The following INO80D variants were observed in gnomAD, a reference collection of about 807,000 sequenced individuals.
The protein encoded by INO80D is INO80 complex subunit D.
Under a neutral mutation model 87.6 loss-of-function variants are expected in INO80D, and 21 were observed. The ratio of observed to expected loss-of-function variants is 0.24; its 90% confidence interval spans 0.17 to 0.35. The LOEUF is 0.35. INO80D is among the 10% of genes least tolerant of loss of function. The probability of loss-of-function intolerance (pLI) is 1.00; values close to 1 mark genes in which losing one functional copy is unlikely to be tolerated. For missense variants in INO80D, 982 were observed against 1,280.7 expected (o/e 0.77, Z 3.56); for synonymous variants, 440 against 491.0 (o/e 0.90, Z 1.37).
intron 6 of INO80D, among the ~76,000 whole-genome samples, chr2:206,026,032 G>C (rs1022197603): frequency 1.3e-5 from 2 of 151,836 alleles, no homozygotes; most frequent in Non-Finnish European, 2.9e-5. Context: ...CTAGTAGCTA[G>C]GACTACAGGT....
chr2:206,007,454 A>T lies in INO80D; in HGVS notation c.1761-13T>A, dbSNP rs1474283558. ...CGTGGATGGGCTCCTGGGAAAGAGG[A>T]CACTGTTGGTCCCATAACTCCCCCA... On this transcript the variant is annotated splice_polypyrimidine_tract_variant and intron_variant, in intron 9 of 10. Transcript: ENST00000403263. 6.2e-7 allele frequency: 1 copy of T among 1,603,810 alleles called. No individual in the cohort carries two copies. Among genetic ancestry groups the T allele is most frequent in the East Asian group, 2.2e-5 (1 of 44,670 alleles).
chr2:206,027,158 A>ACGCG (rs978937098), intron 6 of INO80D, among the ~76,000 whole-genome samples: 1 of 47,090 alleles, frequency 2.1e-5, no homozygotes, highest in East Asian at 1.1e-3. Flanking sequence ...GCGCACGCGC[A>ACGCG]CACACACACA....
chr2:206,075,039 C>CAAAAAAAAAAAAAAAAAAAAAAAAAAAAA lies in INO80D; in HGVS notation c.-124+10861_-124+10862insTTTTTTTTTTTTTTTTTTTTTTTTTTTTT, dbSNP rs56081344. Among the ~76,000 whole-genome samples the CAAAAAAAAAAAAAAAAAAAAAAAAAAAAA allele has an allele frequency of 4.5e-4, 53 of 117,666 alleles. 1 individual carries two copies. The highest frequency in any genetic ancestry group is 6.7e-4 in the Non-Finnish European group (39 of 58,174). 77.2% of individuals were successfully genotyped at this position (117,666 alleles called of 152,430 possible). ...GGATGACAAGAGCGAAACTCCATCT[C>CAAAAAAAAAAAAAAAAAAAAAAAAAAAAA]AAAAAAAAAAAAAAAATTCCTCTTT... On this transcript the variant is annotated intron_variant, in intron 1 of 10. Coordinates refer to ENST00000403263, the MANE Select transcript of INO80D (RefSeq NM_017759.5).
At chr2:206,025,751 A>G (rs1394367305) in intron 6 of INO80D, 1 of 151,658 alleles carries the variant, frequency 6.6e-6, no homozygotes, top group Non-Finnish European at 1.5e-5. Flanking sequence ...CTCAATAAAG[A>G]AGCTGGCCTT....
Position 206,004,525 on chromosome 2 carries a change from C to A in INO80D, c.2927G>T (p.Ser976Ile), listed in dbSNP as rs777388385. 1.2e-6 allele frequency: 2 copies of A among 1,610,940 alleles called. No homozygotes were observed. Among genetic ancestry groups the A allele is most frequent in the East Asian group, 4.5e-5 (2 of 44,762 alleles). Reference protein sequence around the residue: ...TSPKQQLPQFSAAFGHQLSSH... With the variant: ...TSPKQQLPQFIAAFGHQLSSH... ...ACTCAGCTGGTGGCCAAAGGCTGCGCTGAACTGAGGGAGTTGCTGCTTGGG... is the reference window on the plus strand; with the variant it reads ...ACTCAGCTGGTGGCCAAAGGCTGCGATGAACTGAGGGAGTTGCTGCTTGGG... The change falls in exon 11 of 11, where the codon AGC becomes ATC. Residue 976 changes from serine to isoleucine, a missense_variant. Physicochemically the swap from Ser to Ile is moderately radical, Grantham distance 142. Coordinates refer to ENST00000403263, the MANE Select transcript of INO80D (RefSeq NM_017759.5). The surrounding 1 kb of genome is among the most constrained non-coding windows in gnomAD (Gnocchi z 4.9).
intron 1 of INO80D, among the ~76,000 whole-genome samples, chr2:206,066,967 G>T (rs1330421320): frequency 6.6e-6 from 1 of 151,838 alleles, no homozygotes; most frequent in East Asian, 1.9e-4. Context: ...CTAAAAGTAG[G>T]CTGGGCGCAG....
intron 1 of INO80D, chr2:206,084,603 A>G (rs79662447): frequency 3.4e-4 from 51 of 152,022 alleles, no homozygotes; most frequent in African/African-American, 1.2e-3. Context: ...AGGAGGGGAA[A>G]CTCCTACATC....
At chr2:206,019,065 T>A (rs1313621386) in intron 7 of INO80D, among the ~76,000 whole-genome samples, 1 of 152,230 alleles carries the variant, frequency 6.6e-6, no homozygotes, top group Non-Finnish European at 1.5e-5. Flanking sequence ...TAGAAAGTGC[T>A]GCTGAACAAG....
Position 206,004,494 on chromosome 2 carries a change from G to GT in INO80D, c.2957dup (p.His986GlnfsTer6). The stretch of plus-strand genomic sequence containing the variant: ...GCTGCAGGTCCTTAGGAATGCCACT[G>GT]TGAGAACTCAGCTGGTGGCCAAAGG... On this transcript the variant is annotated frameshift_variant, in exon 11 of 11. Transcript: ENST00000403263. LOFTEE classifies it high-confidence loss of function. The surrounding 1 kb of genome is among the most constrained non-coding windows in gnomAD (Gnocchi z 4.9). 1 of 1,609,076 alleles carries GT rather than the reference G, an allele frequency of 6.2e-7. No homozygotes were observed.
chr2:206,083,517 T>C (rs1208193469), intron 1 of INO80D, among the ~76,000 whole-genome samples: 1 of 152,202 alleles, frequency 6.6e-6, no homozygotes, highest in Non-Finnish European at 1.5e-5. Flanking sequence ...TAATTTGCAT[T>C]TTTGTATCAG....
intron 5 of INO80D, among the ~76,000 whole-genome samples, chr2:206,037,209 A>G (rs1238608783): frequency 6.6e-6 from 1 of 152,236 alleles, no homozygotes; most frequent in Non-Finnish European, 1.5e-5. Flanking sequence ...CAATATAAAT[A>G]CAGATATTGT....
intron 10 of INO80D, among the ~76,000 whole-genome samples, chr2:206,006,694 A>C (rs1057169439): frequency 4.6e-5 from 7 of 151,948 alleles, no homozygotes; most frequent in Non-Finnish European, 8.8e-5. Context: ...AAAAAAAAAA[A>C]AAAAAGTCAT....
Position 205,998,488 on chromosome 2 carries a change from G to T in INO80D, c.*5880C>A, listed in dbSNP as rs1687848520. On this transcript the variant is annotated 3_prime_UTR_variant, in exon 11 of 11. Transcript: ENST00000403263. ...AAAAAAAAAAGCTCATATATATTTA[G>T]CTATTAAACACATAGGCAACATAAT... is the stretch of plus-strand genomic sequence containing the variant. 1 of 145,114 alleles carries T rather than the reference G, an allele frequency of 6.9e-6. No individual in the cohort carries two copies. Among genetic ancestry groups the T allele is most frequent in the African/African-American group, 2.5e-5 (1 of 39,366 alleles). 9.0% of individuals were successfully genotyped at this position (145,114 alleles called of 1,614,324 possible). A position where few individuals can be genotyped will look rare whatever the true frequency, so the allele number is the denominator to read the frequency against.
chr2:206,077,169 C>T (rs1246227081), intron 1 of INO80D, among the ~76,000 whole-genome samples: 2 of 151,898 alleles, frequency 1.3e-5, no homozygotes, highest in African/African-American at 4.8e-5. Context: ...CCCAGCTACT[C>T]AGGAGGCTGA....
chr2:206,076,845 A>G (rs1211204992), intron 1 of INO80D, among the ~76,000 whole-genome samples: 1 of 152,220 alleles, frequency 6.6e-6, no homozygotes, highest in African/African-American at 2.4e-5. Context: ...GACCTTGGGC[A>G]AGTTATTTAG....
intron 8 of INO80D, among the ~76,000 whole-genome samples, chr2:206,013,438 G>A (rs1688232553): frequency 6.6e-6 from 1 of 151,752 alleles, no homozygotes; most frequent in African/African-American, 2.4e-5. Context: ...TGTAGTCCCA[G>A]TTACTTGGGA....
chr2:206,085,035 G>A lies in INO80D; in HGVS notation c.-124+866C>T, dbSNP rs1690400143. Among the ~76,000 whole-genome samples, 1 of 152,086 alleles carries A rather than the reference G, an allele frequency of 6.6e-6. No homozygotes were observed. The highest frequency in any genetic ancestry group is 2.1e-4 in the South Asian group (1 of 4,824). ...GGGTGGGGCGCGGGCGAGGGGTGCA[G>A]GGGCGGAGTACCTTCTTCAATGGAC... On this transcript the variant is annotated intron_variant, in intron 1 of 10. Coordinates refer to ENST00000403263, the MANE Select transcript of INO80D (RefSeq NM_017759.5). This position sits in a 1 kb window ranked among gnomAD's most constrained non-coding sequence, Gnocchi z 4.5.
intron 1 of INO80D, among the ~76,000 whole-genome samples, chr2:206,072,685 G>C (rs1162894693): frequency 6.6e-6 from 1 of 152,132 alleles, no homozygotes. Context: ...AGGAAGAATA[G>C]AGATCTCAGT....
chr2:206,071,576 T>C (rs1001676213), intron 1 of INO80D, among the ~76,000 whole-genome samples: 1 of 148,032 alleles, frequency 6.8e-6, no homozygotes, highest in South Asian at 2.2e-4. Context: ...TTCTTCATTT[T>C]TATTTGTTCC....
Sources: allele counts gnomAD v4.1 joint callset (sites outside exome capture counted in the v4.1 genomes callset), GRCh38; gene constraint gnomAD v4.1.1; non-coding constraint Gnocchi (gnomAD v3.1); transcripts MANE v1.5; gene names NCBI Gene and HGNC (gene_info 2026-07-23, HGNC 2026-07-21).